The following PARD3B variants were observed in gnomAD, a reference collection of about 807,000 sequenced individuals.
PARD3B encodes partitioning defective 3 homolog B.
Under a neutral mutation model 130.2 loss-of-function variants are expected in PARD3B, and 103 were observed. The ratio of observed to expected loss-of-function variants is 0.79; its 90% CI spans 0.67 to 0.93. The LOEUF (loss-of-function observed/expected upper bound fraction) is 0.93. PARD3B is among the 40% of genes least tolerant of loss of function. The pLI is 0.00. For synonymous variants in PARD3B, 583 were observed against 553.2 expected (o/e 1.05, Z -0.76); for missense variants, 1,609 against 1,499.2 (o/e 1.07, Z -1.21).
chr2:204,644,701 G>GT (rs1465216420), intron 1 of PARD3B, among the ~76,000 whole-genome samples: 3 of 152,068 alleles, frequency 2.0e-5, no homozygotes, highest in African/African-American at 4.8e-5. Flanking sequence ...TAAATAGACA[G>GT]TTTTTTTCCT....
intron 4 of PARD3B, among the ~76,000 whole-genome samples, chr2:205,054,836 G>A (rs1699534694): frequency 6.6e-6 from 1 of 152,066 alleles, no homozygotes; most frequent in East Asian, 1.9e-4. Context: ...AGCCCTAGCA[G>A]TCTGCAAGCA....
intron 4 of PARD3B, among the ~76,000 whole-genome samples, chr2:205,085,156 T>A (rs896513107): frequency 6.6e-6 from 1 of 152,064 alleles, no homozygotes; most frequent in Admixed American, 6.5e-5. Context: ...ATTTATTATA[T>A]CTTTCTCTGG....
chr2:204,561,375 G>A (rs538818602), intron 1 of PARD3B, among the ~76,000 whole-genome samples: 15 of 152,074 alleles, frequency 9.9e-5, no homozygotes, highest in African/African-American at 1.4e-4. Context: ...TTGTTCCTCC[G>A]GACCCGCTCT....
At chr2:205,333,538 G>T (rs2043208011) in intron 18 of PARD3B, among the ~76,000 whole-genome samples, 1 of 152,130 alleles carries the variant, frequency 6.6e-6, no homozygotes, top group Non-Finnish European at 1.5e-5. Flanking sequence ...TCCTAGTGTG[G>T]CACTCAGAGA....
intron 2 of PARD3B, among the ~76,000 whole-genome samples, chr2:204,738,440 T>C (rs961878473): frequency 1.3e-5 from 2 of 152,236 alleles, no homozygotes; most frequent in African/African-American, 4.8e-5. Flanking sequence ...AATGTGGAAC[T>C]AATGAGATTG....
rs2055429821 is a variant in PARD3B at position 205,616,209 on chromosome 2, A to G, written c.*396A>G. 1 of 177,750 alleles carries G rather than the reference A, an allele frequency of 5.6e-6. No individual in the cohort carries two copies. 11.0% of individuals were successfully genotyped at this position (177,750 alleles called of 1,614,324 possible). A position where few individuals can be genotyped will look rare whatever the true frequency, so the allele number is the denominator to read the frequency against. ...CATCCCCCTCTGAGACTGGCGGTCCAGAGGCAGTCTCTGCCAGGCAGCATT... is the reference window on the plus strand; with the variant it reads ...CATCCCCCTCTGAGACTGGCGGTCCGGAGGCAGTCTCTGCCAGGCAGCATT... On this transcript the variant is annotated 3_prime_UTR_variant, in exon 23 of 23. Transcript: ENST00000406610.
At chr2:204,788,484 G>T (rs929521276) in intron 2 of PARD3B, among the ~76,000 whole-genome samples, 1 of 152,168 alleles carries the variant, frequency 6.6e-6, no homozygotes, top group African/African-American at 2.4e-5. Context: ...GATATTATAA[G>T]CCACCCAGGT....
chr2:204,574,593 A>G (rs2032161334), intron 1 of PARD3B, among the ~76,000 whole-genome samples: 1 of 152,190 alleles, frequency 6.6e-6, no homozygotes, highest in African/African-American at 2.4e-5. Context: ...TTGAAGTACA[A>G]GCTCTGCCAT....
rs568321279 is a variant in PARD3B, at chr2:205,244,053, A to G, written c.2141-1725A>G. Among the ~76,000 whole-genome samples the G allele has an allele frequency of 2.6e-5, 4 of 152,330 alleles. No individual in the cohort carries two copies. The highest frequency in any genetic ancestry group is 9.6e-5 in the African/African-American group (4 of 41,572). The stretch of plus-strand genomic sequence containing the variant: ...GTGCCTTATAAATACTTACCTCCCA[A>G]CTAGAAATAAAACAAAAAGTCTAAC... On this transcript the variant is annotated intron_variant, in intron 15 of 22. Coordinates refer to ENST00000406610, the MANE Select transcript of PARD3B (RefSeq NM_001302769.2). This position sits in a 1 kb window ranked among gnomAD's most constrained non-coding sequence, Gnocchi z 4.7.
rs2036189040 is a variant in PARD3B at position 204,669,559 on chromosome 2, T to C, written c.121-16622T>C. ...TTTGAATGGTTTAGTAGTTACGACA[T>C]TGGCATTGTTAGGAATGACAAATAG... is the stretch of plus-strand genomic sequence containing the variant. On this transcript the variant is annotated intron_variant, in intron 1 of 22. Transcript: ENST00000406610. This position sits in a 1 kb window ranked among gnomAD's most constrained non-coding sequence, Gnocchi z 4.3. Among the ~76,000 whole-genome samples the C allele has an allele frequency of 6.6e-6, 1 of 152,134 alleles. No homozygotes were observed. The highest frequency in any genetic ancestry group is 6.6e-5 in the Admixed American group (1 of 15,250).
chr2:205,387,418 C>T (rs2045700225), intron 18 of PARD3B, among the ~76,000 whole-genome samples: 1 of 152,058 alleles, frequency 6.6e-6, no homozygotes. Context: ...TACTGATGCA[C>T]TCAAATATTA....
rs2048397229 is a variant in PARD3B at position 205,460,016 on chromosome 2, AAGAC to A, written c.3044+19347_3044+19350del. ...GAGTGAAAACTGAGAAATGCCGAGA[AAGAC>A]AGGCAGAACTAGATCTAAGTGTTTC... On this transcript the variant is annotated intron_variant, in intron 20 of 22. Transcript: ENST00000406610. The surrounding 1 kb of genome is among the most constrained non-coding windows in gnomAD (Gnocchi z 4.9). Among the ~76,000 whole-genome samples the A allele has an allele frequency of 6.6e-6, 1 of 152,172 alleles. No individual in the cohort carries two copies.
chr2:204,981,396 T>C (rs546638903), intron 3 of PARD3B, among the ~76,000 whole-genome samples: 14 of 152,326 alleles, frequency 9.2e-5, no homozygotes, highest in African/African-American at 3.4e-4. Context: ...ATTAAACTAT[T>C]ACAATAGCAA....
chr2:204,980,875 G>A (rs1490363653), intron 3 of PARD3B, among the ~76,000 whole-genome samples: 2 of 152,156 alleles, frequency 1.3e-5, no homozygotes, highest in East Asian at 1.9e-4. Context: ...AAGGTCATTC[G>A]TGGAAAAGCT....
At chr2:205,489,513 A>ATATATACACATATATATACG (rs1225941260) in intron 20 of PARD3B, among the ~76,000 whole-genome samples, 1 of 141,028 alleles carries the variant, frequency 7.1e-6, no homozygotes. Flanking sequence ...ATATATACGT[A>ATATATACACATATATATACG]TATATATATA....
intron 1 of PARD3B, among the ~76,000 whole-genome samples, chr2:204,547,261 G>C (rs996841390): frequency 2.6e-5 from 4 of 152,094 alleles, no homozygotes; most frequent in Non-Finnish European, 4.4e-5. Context: ...CCTCCATGAA[G>C]AATTATTATA....
At chr2:205,251,612 A>G (rs1052289127) in intron 16 of PARD3B, among the ~76,000 whole-genome samples, 4 of 152,186 alleles carry the variant, frequency 2.6e-5, no homozygotes, top group African/African-American at 4.8e-5. Context: ...GAGTCTTATT[A>G]TTCCATACTT....
chr2:205,199,165 G>A (rs943798019), intron 15 of PARD3B, among the ~76,000 whole-genome samples: 7 of 152,034 alleles, frequency 4.6e-5, no homozygotes, highest in African/African-American at 1.4e-4. Context: ...ACTGTGTGCC[G>A]GGAAGTGCAT....
chr2:204,693,813 T>C (rs1352566556), intron 2 of PARD3B, among the ~76,000 whole-genome samples: 1 of 152,052 alleles, frequency 6.6e-6, no homozygotes, highest in Non-Finnish European at 1.5e-5. Flanking sequence ...TTGTCTGCTA[T>C]ATCCTTGTCC....
Sources: gnomAD v4.1 joint callset for allele counts (sites outside exome capture counted in the v4.1 genomes callset) on GRCh38, gnomAD v4.1.1 for gene constraint, Gnocchi (gnomAD v3.1) non-coding constraint, MANE v1.5 for transcripts, NCBI Gene and HGNC (gene_info 2026-07-23, HGNC 2026-07-21) for gene names.